SSH2: variants seen among roughly 807,000 people sequenced by gnomAD.
The protein encoded by SSH2 is slingshot protein phosphatase 2, also known as protein phosphatase Slingshot homolog 2.
SSH2 carries 37 observed loss-of-function variants against 135.2 expected under a neutral mutation model. That is an observed-to-expected ratio of 0.27 (90% CI 0.21 to 0.36). The LOEUF (loss-of-function observed/expected upper bound fraction) is 0.36, where lower values mean the gene tolerates loss of function less well. Among genes scored for constraint, SSH2 ranks in the 10% least tolerant of loss-of-function variants. The pLI is 1.00. For synonymous variants in SSH2, 628 were observed against 646.2 expected (o/e 0.97, Z 0.43); for missense variants, 1,408 against 1,765.3 (o/e 0.80, Z 3.63).
intron 8 of SSH2, among the ~76,000 whole-genome samples, chr17:29,674,892 G>A (rs950922511): frequency 1.3e-5 from 2 of 152,186 alleles, no homozygotes; most frequent in African/African-American, 2.4e-5. Context: ...AGCCATCCTG[G>A]GCTGCATGTG....
intron 2 of SSH2, among the ~76,000 whole-genome samples, chr17:29,803,138 C>G (rs2042279702): frequency 6.6e-6 from 1 of 152,084 alleles, no homozygotes; most frequent in Non-Finnish European, 1.5e-5. Flanking sequence ...CTGCTAGAAA[C>G]AGAAAAAACA....
intron 15 of SSH2, among the ~76,000 whole-genome samples, chr17:29,633,331 T>G (rs1444622755): frequency 6.6e-6 from 1 of 152,234 alleles, no homozygotes; most frequent in African/African-American, 2.4e-5. Flanking sequence ...GCCTATCAAC[T>G]TCTAGTTTGA....
At chr17:29,680,847 A>C (rs1450113092) in intron 6 of SSH2, among the ~76,000 whole-genome samples, 1 of 152,132 alleles carries the variant, frequency 6.6e-6, no homozygotes, top group Non-Finnish European at 1.5e-5. Flanking sequence ...CAACAAGTAT[A>C]ATTTTGAGTA....
intron 1 of SSH2, among the ~76,000 whole-genome samples, chr17:29,876,454 CG>C (rs1040018779): frequency 4.6e-5 from 7 of 152,042 alleles, no homozygotes; most frequent in Admixed American, 1.3e-4. Flanking sequence ...ATTAATCCCT[CG>C]TCAGATGGGT....
At chr17:29,867,315 A>G (rs1186347924) in intron 1 of SSH2, among the ~76,000 whole-genome samples, 3 of 152,160 alleles carry the variant, frequency 2.0e-5, no homozygotes, top group Non-Finnish European at 4.4e-5. Flanking sequence ...AAACTGTAGC[A>G]TTCTAGTTAT....
chr17:29,667,814 T>C (rs1207058440), intron 9 of SSH2, among the ~76,000 whole-genome samples: 1 of 152,192 alleles, frequency 6.6e-6, no homozygotes, highest in African/African-American at 2.4e-5. Flanking sequence ...ATAACCATGC[T>C]GGGGCAGGAG....
chr17:29,838,240 G>C (rs1467023495), intron 2 of SSH2, among the ~76,000 whole-genome samples: 1 of 152,206 alleles, frequency 6.6e-6, no homozygotes, highest in Non-Finnish European at 1.5e-5. Flanking sequence ...CAGCCCCCTG[G>C]CACCCTGGTC....
chr17:29,850,397 C>T (rs1389635237), intron 1 of SSH2, among the ~76,000 whole-genome samples: 1 of 152,184 alleles, frequency 6.6e-6, no homozygotes, highest in Non-Finnish European at 1.5e-5. Context: ...AAACTTATAA[C>T]TACTTCATGG....
intron 1 of SSH2, among the ~76,000 whole-genome samples, chr17:29,876,832 C>G (rs1435910494): frequency 6.6e-5 from 10 of 151,704 alleles, no homozygotes; most frequent in African/African-American, 2.4e-4. Flanking sequence ...AGTAATACCC[C>G]ACATGCACAG....
At chr17:29,791,361 C>T (rs950023016) in intron 3 of SSH2, among the ~76,000 whole-genome samples, 2 of 152,222 alleles carry the variant, frequency 1.3e-5, no homozygotes, top group South Asian at 4.1e-4. Flanking sequence ...GCTGGGATTA[C>T]AGGCATGAGC....
In SSH2 at chr17:29,632,352, G is replaced by A. The variant is rs1363123894; in HGVS notation, c.2842C>T (p.His948Tyr). 1.9e-6 allele frequency: 3 copies of A among 1,614,008 alleles called. No individual in the cohort carries two copies. The highest frequency in any genetic ancestry group is 2.2e-5 in the East Asian group (1 of 44,884). Residue 948 changes from histidine to tyrosine, a missense_variant, in exon 16 of 16, where the codon CAT becomes TAT. Physicochemically the swap from His to Tyr is moderately conservative, Grantham distance 83. Coordinates refer to ENST00000540801, the MANE Select transcript of SSH2 (RefSeq NM_001282129.2). ...KGKSDEAPPE[H>Y]SFVLKEPEMS... is the part of the protein sequence containing the mutation. Reference sequence around the variant, plus strand: ...TCTGGTTCCTTGAGGACAAATGAATGTTCTGGGGGGGCTTCATCACTTTTC... The same window carrying A: ...TCTGGTTCCTTGAGGACAAATGAATATTCTGGGGGGGCTTCATCACTTTTC...
At chr17:29,810,950 C>T (rs2042429977) in intron 2 of SSH2, among the ~76,000 whole-genome samples, 1 of 151,950 alleles carries the variant, frequency 6.6e-6, no homozygotes, top group South Asian at 2.1e-4. Flanking sequence ...TTTCTCAGCT[C>T]ATCGGCTATC....
intron 3 of SSH2, among the ~76,000 whole-genome samples, chr17:29,721,991 G>T (rs1023356707): frequency 2.6e-5 from 4 of 152,258 alleles, no homozygotes; most frequent in Admixed American, 2.0e-4. Context: ...AATGTAATTT[G>T]TAAGGCCGGA....
At chr17:29,781,780 A>G (rs1408660047) in intron 3 of SSH2, among the ~76,000 whole-genome samples, 1 of 150,854 alleles carries the variant, frequency 6.6e-6, no homozygotes, top group African/African-American at 2.4e-5. Flanking sequence ...GCCCAGCCCA[A>G]TAACTTTTTT....
chr17:29,897,346 A>G (rs1331599005), intron 1 of SSH2, among the ~76,000 whole-genome samples: 7 of 152,146 alleles, frequency 4.6e-5, no homozygotes, highest in Admixed American at 3.3e-4. Context: ...CAAATTGGAT[A>G]AAGAGTCAAG....
intron 1 of SSH2, among the ~76,000 whole-genome samples, chr17:29,888,616 T>C (rs1435498492): frequency 6.6e-6 from 1 of 151,930 alleles, no homozygotes; most frequent in African/African-American, 2.4e-5. Flanking sequence ...ACCTTAACCA[T>C]ACAAACAGTA....
Position 29,781,473 on chromosome 17 carries a change from C to CTTT in SSH2, c.188+12418_188+12420dup, listed in dbSNP as rs541361010. 6.4e-3 allele frequency among the ~76,000 whole-genome samples: 523 copies of CTTT among 81,872 alleles called. 1 individual carries two copies. The highest frequency in any genetic ancestry group is 9.4e-3 in the Non-Finnish European group (404 of 42,798). The allele number at this position is 81,872 out of a possible 152,430, so 53.7% of individuals were successfully genotyped here. A position where few individuals can be genotyped will look rare whatever the true frequency, so the allele number is the denominator to read the frequency against. On this transcript the variant is annotated intron_variant, in intron 3 of 15. Coordinates refer to ENST00000540801, the MANE Select transcript of SSH2 (RefSeq NM_001282129.2). ...AGGACATGCCCTAATCCTGTGTTTT[C>CTTT]TTTTTTTTTTTTTTTTTTTTTTTTG...
chr17:29,735,325 T>C (rs948522240), intron 3 of SSH2, among the ~76,000 whole-genome samples: 1 of 152,214 alleles, frequency 6.6e-6, no homozygotes, highest in African/African-American at 2.4e-5. Context: ...TGCTTGGCTT[T>C]AATTTTGAAA....
chr17:29,900,468 G>A (rs2066529679), intron 1 of SSH2, among the ~76,000 whole-genome samples: 1 of 152,208 alleles, frequency 6.6e-6, no homozygotes, highest in Non-Finnish European at 1.5e-5. Flanking sequence ...AGTGGGCGAA[G>A]GATATGAACA....
Sources: gnomAD v4.1 joint callset for allele counts (sites outside exome capture counted in the v4.1 genomes callset) on GRCh38, gnomAD v4.1.1 for gene constraint, MANE v1.5 for transcripts, NCBI Gene and HGNC (gene_info 2026-07-23, HGNC 2026-07-21) for gene names.